The following ZDHHC2 variants were observed in gnomAD, a reference collection of about 807,000 sequenced individuals.
The protein encoded by ZDHHC2 is zDHHC palmitoyltransferase 2.
A neutral mutation model predicts 55.6 loss-of-function variants in ZDHHC2; 51 were observed. The ratio of observed to expected loss-of-function variants is 0.92; its 90% confidence interval spans 0.73 to 1.16. The LOEUF (loss-of-function observed/expected upper bound fraction) is 1.16. Among genes scored for constraint, ZDHHC2 ranks in the 50% most tolerant of loss-of-function variants. ZDHHC2 has a pLI of 0.00. For synonymous variants in ZDHHC2, 199 were observed against 152.9 expected, an observed-to-expected ratio of 1.30 and a Z score of -2.22; for missense variants, 491 against 442.4, an observed-to-expected ratio of 1.11 and a Z score of -0.99.
At chr8:17,210,576 A>G (rs1329643944) in intron 10 of ZDHHC2, 96 bp downstream of exon 10, 2 of 1,082,964 alleles carry the variant, frequency 1.8e-6, no homozygotes, top group Admixed American at 2.9e-5. Context: ...AATGAAGACC[A>G]TAAGAAAATT....
intron 1 of ZDHHC2, among the ~76,000 whole-genome samples, chr8:17,182,573 A>G (rs1009175484): frequency 2.0e-5 from 3 of 152,270 alleles, no homozygotes; most frequent in Admixed American, 6.5e-5. Context: ...ATTTATGTGT[A>G]AGTTGTGTAC....
chr8:17,160,834 A>G (rs891141416), intron 1 of ZDHHC2, among the ~76,000 whole-genome samples: 1 of 152,226 alleles, frequency 6.6e-6, no homozygotes, highest in Non-Finnish European at 1.5e-5. Flanking sequence ...GCCATAGAAG[A>G]TACTTTAACA....
At chr8:17,180,411 T>C (rs1211235378) in intron 1 of ZDHHC2, among the ~76,000 whole-genome samples, 3 of 152,222 alleles carry the variant, frequency 2.0e-5, no homozygotes, top group Non-Finnish European at 4.4e-5. Context: ...TTTCACCTTT[T>C]ATTTTCACTC....
At chr8:17,206,366 A>T (rs1216973492) in intron 7 of ZDHHC2, among the ~76,000 whole-genome samples, 2 of 152,194 alleles carry the variant, frequency 1.3e-5, no homozygotes, top group Non-Finnish European at 2.9e-5. Flanking sequence ...ACACACATAA[A>T]ACAAGGTTAC....
Position 17,215,273 on chromosome 8 carries a change from A to T in ZDHHC2, c.987A>T (p.Arg329Ser). 10 of 1,602,278 alleles carry T rather than the reference A, an allele frequency of 6.2e-6. No individual in the cohort carries two copies. Among genetic ancestry groups the T allele is most frequent in the Non-Finnish European group, 8.5e-6 (10 of 1,174,158 alleles). Residue 329 changes from arginine to serine, a missense_variant, in exon 11 of 13, where the codon AGA becomes AGT. By Grantham distance (110) the Arg-to-Ser change is moderately radical (BLOSUM62 -1). Transcript: ENST00000262096. ...ATCAGTTTCCTGCAAAGCCATTGAGAGAGTCCCAGAGCCACCTTCTTACTG... is the reference window on the plus strand; with the variant it reads ...ATCAGTTTCCTGCAAAGCCATTGAGTGAGTCCCAGAGCCACCTTCTTACTG... ...ENHQFPAKPL[R>S]ESQSHLLTDS...
rs181722652 is a variant in ZDHHC2 at position 17,166,533 on chromosome 8, G to A, written c.130+9680G>A. ...AGGTGTAGAATGTGGGAATAAATTC[G>A]GGAGTCTTCAGCATATAAGTGGATT... On this transcript the variant is annotated intron_variant, in intron 1 of 12. Transcript: ENST00000262096. Among the ~76,000 whole-genome samples, 336 of 152,240 alleles carry A rather than the reference G, an allele frequency of 2.2e-3. 1 individual carries two copies. Among genetic ancestry groups the A allele is most frequent in the Non-Finnish European group, 1.7e-3 (116 of 68,018 alleles).
Position 17,221,537 on chromosome 8 carries a change from T to C in ZDHHC2, c.*1316T>C, listed in dbSNP as rs992901767. On this transcript the variant is annotated 3_prime_UTR_variant, in exon 13 of 13. Transcript: ENST00000262096. Reference sequence around the variant, plus strand: ...GACCAACTAAGTAATTGGTATTTAATCAAAGAGAAAATGGTAATAAACTTT... The same window carrying C: ...GACCAACTAAGTAATTGGTATTTAACCAAAGAGAAAATGGTAATAAACTTT... 6.6e-6 allele frequency: 1 copy of C among 152,352 alleles called. No homozygotes were observed. Among genetic ancestry groups the C allele is most frequent in the African/African-American group, 2.4e-5 (1 of 41,424 alleles). The allele number at this position is 152,352 out of a possible 1,614,324, so 9.4% of individuals were successfully genotyped here. A position where few individuals can be genotyped will look rare whatever the true frequency, so the allele number is the denominator to read the frequency against.
At chr8:17,168,498 A>G (rs1159128055) in intron 1 of ZDHHC2, among the ~76,000 whole-genome samples, 2 of 152,172 alleles carry the variant, frequency 1.3e-5, no homozygotes, top group African/African-American at 2.4e-5. Flanking sequence ...AAATATTGAT[A>G]ACATAAAAAT....
At position 17,210,395 on chromosome 8, in the gene ZDHHC2, G is replaced by A. The variant is rs1191131699; in HGVS notation, c.865G>A (p.Asp289Asn). ...WLLPIFSSLG[D>N]GCSFPTCLVN... Reference sequence around the variant, plus strand: ...TTTTTATTTTAATTCTAGTCTAGGTGATGGCTGCTCCTTTCCAACTTGCCT... The same window carrying A: ...TTTTTATTTTAATTCTAGTCTAGGTAATGGCTGCTCCTTTCCAACTTGCCT... Residue 289 changes from aspartate to asparagine, a missense_variant, in exon 10 of 13, where the codon GAT (aspartate) becomes AAT (asparagine). Asp to Asn is a conservative substitution (Grantham distance 23, BLOSUM62 1). Transcript: ENST00000262096. 8 of 1,613,062 alleles carry A rather than the reference G, an allele frequency of 5.0e-6. No individual in the cohort carries two copies. The highest frequency in any genetic ancestry group is 6.8e-6 in the Non-Finnish European group (8 of 1,179,548).
intron 1 of ZDHHC2, among the ~76,000 whole-genome samples, chr8:17,160,385 CG>C (rs910011094): frequency 7.2e-5 from 11 of 152,254 alleles, no homozygotes; most frequent in African/African-American, 2.6e-4. Context: ...AATTTGCTTA[CG>C]GTTTTAGTTA....
At chr8:17,191,046 C>T (rs924793262) in intron 3 of ZDHHC2, among the ~76,000 whole-genome samples, 1 of 134,942 alleles carries the variant, frequency 7.4e-6, no homozygotes, top group African/African-American at 2.8e-5. Flanking sequence ...ACTGCAACCT[C>T]TGCCTTCTGG....
intron 12 of ZDHHC2, among the ~76,000 whole-genome samples, chr8:17,218,640 T>C (rs1807759629): frequency 1.3e-5 from 2 of 152,288 alleles, no homozygotes; most frequent in Admixed American, 6.5e-5. Context: ...AATTAAAACA[T>C]TGAAATTAAA....
At chr8:17,164,174 A>G (rs958934863) in intron 1 of ZDHHC2, among the ~76,000 whole-genome samples, 1 of 152,106 alleles carries the variant, frequency 6.6e-6, no homozygotes, top group African/African-American at 2.4e-5. Context: ...TTTATGTAGC[A>G]TTTTTCCTAA....
At chr8:17,219,294 T>G (rs1807802693) in intron 12 of ZDHHC2, among the ~76,000 whole-genome samples, 1 of 134,432 alleles carries the variant, frequency 7.4e-6, no homozygotes, top group Admixed American at 7.5e-5. Context: ...AAAAAACACT[T>G]CATATTTTTT....
intron 1 of ZDHHC2, among the ~76,000 whole-genome samples, chr8:17,169,056 G>A (rs1271705858): frequency 6.6e-6 from 1 of 152,100 alleles, no homozygotes; most frequent in Non-Finnish European, 1.5e-5. Flanking sequence ...GAGTGGAATT[G>A]GTCAGTCATA....
chr8:17,197,447 A>G (rs369032156), intron 4 of ZDHHC2, 135 bp from the exon 5 acceptor site: 4 of 770,768 alleles, frequency 5.2e-6, no homozygotes, highest in Non-Finnish European at 8.1e-6. Context: ...AACAGCATCA[A>G]ATATCTTATT....
intron 1 of ZDHHC2, among the ~76,000 whole-genome samples, chr8:17,181,019 CTT>C (rs1554460522): frequency 2.0e-5 from 3 of 152,210 alleles, no homozygotes; most frequent in Non-Finnish European, 4.4e-5. Context: ...TCTCTCCTCT[CTT>C]TAGAGAAGTG....
intron 6 of ZDHHC2, 53 bp from the exon 7 acceptor site, chr8:17,205,602 C>A: frequency 6.6e-7 from 1 of 1,525,742 alleles, no homozygotes. Flanking sequence ...AGCATATGCA[C>A]ATGTAGGTTG....
At chr8:17,183,988 G>T (rs1469953089) in intron 1 of ZDHHC2, among the ~76,000 whole-genome samples, 2 of 152,114 alleles carry the variant, frequency 1.3e-5, no homozygotes, top group Non-Finnish European at 2.9e-5. Context: ...CTGAGGTCCC[G>T]TGCCCTTTTG....
Sources: allele counts gnomAD v4.1 joint callset (sites outside exome capture counted in the v4.1 genomes callset), GRCh38; gene constraint gnomAD v4.1.1; transcripts MANE v1.5; gene names NCBI Gene and HGNC (gene_info 2026-07-23, HGNC 2026-07-21).